The following IGF2BP3 variants were observed in gnomAD, a reference collection of about 807,000 sequenced individuals.
IGF2BP3 encodes insulin-like growth factor 2 mRNA-binding protein 3.
IGF2BP3 carries 9 observed loss-of-function variants against 73.8 expected under a neutral mutation model. That is an observed-to-expected ratio of 0.12 (90% CI 0.07 to 0.21). IGF2BP3 has a LOEUF of 0.21. Ranked by LOEUF, IGF2BP3 falls within the 10% of genes least tolerant of loss-of-function variation. The pLI, the probability that IGF2BP3 is intolerant of heterozygous loss-of-function variation, is 1.00. For missense variants in IGF2BP3, 542 were observed against 714.0 expected, an observed-to-expected ratio of 0.76 and a Z score of 2.75; for synonymous variants, 258 against 256.7, an observed-to-expected ratio of 1.01 and a Z score of -0.05.
intron 3 of IGF2BP3, among the ~76,000 whole-genome samples, chr7:23,393,680 T>C (rs1215629147): frequency 6.6e-6 from 1 of 152,172 alleles, no homozygotes; most frequent in African/African-American, 2.4e-5. Flanking sequence ...GGAGCTAAAA[T>C]AAACATGGAA....
chr7:23,374,319 C>T (rs1785651174), intron 3 of IGF2BP3, among the ~76,000 whole-genome samples: 1 of 152,082 alleles, frequency 6.6e-6, no homozygotes, highest in African/African-American at 2.4e-5. Context: ...TTTCAGCAAC[C>T]CCCTACCTTG....
intron 10 of IGF2BP3, among the ~76,000 whole-genome samples, chr7:23,327,084 T>A (rs1364399000): frequency 5.4e-5 from 8 of 148,688 alleles, no homozygotes; most frequent in African/African-American, 2.1e-4. Flanking sequence ...ATTAATTAAT[T>A]AATTAATTAA....
At chr7:23,364,581 T>TGGGGG (rs1287578874) in intron 3 of IGF2BP3, among the ~76,000 whole-genome samples, 2 of 81,434 alleles carry the variant, frequency 2.5e-5, no homozygotes, top group African/African-American at 9.2e-5. Context: ...AGCGGGAGGT[T>TGGGGG]GGGGGGTGGG....
chr7:23,451,939 TA>T (rs61131297), intron 2 of IGF2BP3, among the ~76,000 whole-genome samples: 1,381 of 131,682 alleles, frequency 0.01, 16 homozygotes, highest in African/African-American at 0.032. Flanking sequence ...CAGAGCAAGA[TA>T]AAAAAAAAAA....
chr7:23,338,565 A>G (rs1017593549), intron 10 of IGF2BP3, among the ~76,000 whole-genome samples: 2 of 152,056 alleles, frequency 1.3e-5, no homozygotes, highest in East Asian at 3.9e-4. Flanking sequence ...CACATTTTTG[A>G]GCTTCCACCT....
intron 10 of IGF2BP3, among the ~76,000 whole-genome samples, chr7:23,330,157 G>T (rs896441433): frequency 6.6e-6 from 1 of 151,868 alleles, no homozygotes; most frequent in Non-Finnish European, 1.5e-5. Context: ...ATGGTGGCAG[G>T]CACCTGTAAT....
At chr7:23,383,805 T>C (rs978172784) in intron 3 of IGF2BP3, among the ~76,000 whole-genome samples, 1 of 151,412 alleles carries the variant, frequency 6.6e-6, no homozygotes, top group Non-Finnish European at 1.5e-5. Context: ...ATAAAAAGAG[T>C]GAAGTCTGGA....
At chr7:23,393,289 T>C (rs1466434353) in intron 3 of IGF2BP3, among the ~76,000 whole-genome samples, 1 of 152,172 alleles carries the variant, frequency 6.6e-6, no homozygotes, top group South Asian at 2.1e-4. Flanking sequence ...CTCCCTCCCA[T>C]ACATACCTTG....
At position 23,315,898 on chromosome 7, in the gene IGF2BP3, A is replaced by G. The variant is rs1002405289; in HGVS notation, c.1395+1741T>C. Among the ~76,000 whole-genome samples, 5 of 152,376 alleles carry G rather than the reference A, an allele frequency of 3.3e-5. No homozygotes were observed. The East Asian group carries it at 9.6e-4, about 29-fold the overall frequency. ...CTTAAGTGTTACATTTAAGTTAACT[A>G]TAAAACATGAGTTTTATTAGTGAAT... On this transcript the variant is annotated intron_variant, in intron 12 of 14. Transcript: ENST00000258729.
chr7:23,434,945 A>G (rs957471289), intron 2 of IGF2BP3, among the ~76,000 whole-genome samples: 5 of 152,128 alleles, frequency 3.3e-5, no homozygotes, highest in Non-Finnish European at 7.4e-5. Context: ...ACCTTGGCCA[A>G]AGTATTAAAA....
intron 10 of IGF2BP3, among the ~76,000 whole-genome samples, chr7:23,339,403 A>C (rs564713161): frequency 6.6e-6 from 1 of 152,240 alleles, no homozygotes; most frequent in Non-Finnish European, 1.5e-5. Flanking sequence ...CTAACATAGG[A>C]ACCTGATACA....
intron 13 of IGF2BP3, 50 bp from the exon 14 acceptor site, chr7:23,312,898 C>T (rs777494203): frequency 8.7e-7 from 1 of 1,147,704 alleles, no homozygotes; most frequent in Non-Finnish European, 1.3e-6. Context: ...TAAAACCTTA[C>T]TTCCTAAGCA....
intron 2 of IGF2BP3, among the ~76,000 whole-genome samples, chr7:23,439,672 T>C (rs1195615880): frequency 6.6e-6 from 1 of 152,136 alleles, no homozygotes; most frequent in Non-Finnish European, 1.5e-5. Flanking sequence ...CCTATGAGTT[T>C]AACACGTAAC....
At chr7:23,360,769 G>A (rs1475020692) in intron 5 of IGF2BP3, among the ~76,000 whole-genome samples, 1 of 152,160 alleles carries the variant, frequency 6.6e-6, no homozygotes, top group Non-Finnish European at 1.5e-5. Flanking sequence ...CAGTCAGCCT[G>A]CTCCTGCCAG....
At chr7:23,408,247 A>C (rs1004900394) in intron 3 of IGF2BP3, among the ~76,000 whole-genome samples, 12 of 86,484 alleles carry the variant, frequency 1.4e-4, no homozygotes, top group African/African-American at 4.3e-4. Context: ...ACAGCAATAA[A>C]AGAAAAGGCA....
intron 3 of IGF2BP3, chr7:23,413,949 G>C (rs1377645889): frequency 6.6e-6 from 1 of 152,210 alleles, no homozygotes; most frequent in Non-Finnish European, 1.5e-5. Flanking sequence ...TCAAGAGATT[G>C]AAACCATCCC....
rs17148066 is a variant in IGF2BP3 at position 23,364,676 on chromosome 7, A to C, written c.286-2935T>G. 9.0e-3 allele frequency among the ~76,000 whole-genome samples: 1,371 copies of C among 152,188 alleles called. 28 individuals carry two copies. The highest frequency in any genetic ancestry group is 0.03 in the African/African-American group (1,259 of 41,510). On this transcript the variant is annotated intron_variant, in intron 3 of 14. Transcript: ENST00000258729. ...ACGAAAAATGTTTTACTTCATACTT[A>C]AGTCAGAATTCTAACAAATTCATTC...
At chr7:23,317,981 A>G (rs1784037063) in intron 11 of IGF2BP3, 2 of 509,272 alleles carry the variant, frequency 3.9e-6, no homozygotes, top group Non-Finnish European at 7.1e-6. Context: ...ATGAAGTAGT[A>G]TTACCTCCAC....
rs144066537 is a variant in IGF2BP3, at chr7:23,385,071, G to C, written c.286-23330C>G. ...TTCTTATAGAAATTAAATTTTGGCAGTAACCAAATAGTATCTGGGAGTTTC... is the reference window on the plus strand; with the variant it reads ...TTCTTATAGAAATTAAATTTTGGCACTAACCAAATAGTATCTGGGAGTTTC... On this transcript the variant is annotated intron_variant, in intron 3 of 14. Coordinates refer to ENST00000258729, the MANE Select transcript of IGF2BP3 (RefSeq NM_006547.3). Among the ~76,000 whole-genome samples, 327 of 152,238 alleles carry C rather than the reference G, an allele frequency of 2.1e-3. 2 individuals are homozygous for C. Among genetic ancestry groups the C allele is most frequent in the African/African-American group, 7.2e-3 (300 of 41,534 alleles).
Sources: allele counts gnomAD v4.1 joint callset (sites outside exome capture counted in the v4.1 genomes callset), GRCh38; gene constraint gnomAD v4.1.1; transcripts MANE v1.5; gene names NCBI Gene and HGNC (gene_info 2026-07-23, HGNC 2026-07-21).